GRK5: variants seen among roughly 807,000 people sequenced by gnomAD.
GRK5 encodes the protein g protein-coupled receptor kinase GRK5.
Under a neutral mutation model 78.4 loss-of-function variants are expected in GRK5, and 40 were observed. The ratio of observed to expected loss-of-function variants is 0.51; its 90% CI spans 0.40 to 0.66. The LOEUF (loss-of-function observed/expected upper bound fraction) is 0.66, where lower values mean the gene tolerates loss of function less well. GRK5 is among the 30% of genes least tolerant of loss of function. GRK5 has a pLI of 0.00. For missense variants in GRK5, 598 were observed against 759.9 expected, an observed-to-expected ratio of 0.79 and a Z score of 2.50; for synonymous variants, 289 against 296.8, an observed-to-expected ratio of 0.97 and a Z score of 0.27.
intron 2 of GRK5, among the ~76,000 whole-genome samples, chr10:119,339,215 A>G (rs143483077): frequency 1.5e-3 from 221 of 152,248 alleles, no homozygotes; most frequent in Non-Finnish European, 2.6e-3. Flanking sequence ...TGTCTATTTT[A>G]AGGCCCCTCA....
intron 2 of GRK5, among the ~76,000 whole-genome samples, chr10:119,338,102 T>G (rs530237560): frequency 4.2e-4 from 64 of 152,304 alleles, no homozygotes; most frequent in African/African-American, 1.5e-3. Flanking sequence ...CCATAACATA[T>G]TCACGTGCTC....
intron 1 of GRK5, among the ~76,000 whole-genome samples, chr10:119,255,114 T>C (rs1278675455): frequency 6.7e-6 from 1 of 149,144 alleles, no homozygotes; most frequent in Admixed American, 6.7e-5. Context: ...GGTAAGGTCG[T>C]CAGGTGGGAG....
intron 2 of GRK5, among the ~76,000 whole-genome samples, chr10:119,361,664 G>T (rs1851365146): frequency 1.3e-5 from 2 of 152,240 alleles, no homozygotes; most frequent in South Asian, 4.2e-4. Flanking sequence ...GCGCAGAGGG[G>T]GTTCAGAATT....
Position 119,396,778 on chromosome 10 carries a change from G to A in GRK5, c.339+6G>A. On this transcript the variant is annotated splice_donor_region_variant and intron_variant, in intron 4 of 15. Transcript: ENST00000392870. ...CCAAGTACCTCACCCCAAAGGTAAG[G>A]AGTCTTCCAAACCCCACAGCAGGTG... 6.2e-7 allele frequency: 1 copy of A among 1,611,172 alleles called. No individual in the cohort carries two copies. The highest frequency in any genetic ancestry group is 8.5e-7 in the Non-Finnish European group (1 of 1,177,316).
chr10:119,292,826 C>T (rs1850008076), intron 1 of GRK5, among the ~76,000 whole-genome samples: 1 of 151,140 alleles, frequency 6.6e-6, no homozygotes, highest in Admixed American at 6.6e-5. Flanking sequence ...AGAAAAAGTC[C>T]ATACATATTC....
At chr10:119,330,376 GGAGGGAGAGA>G (rs1231233953) in intron 2 of GRK5, 1 of 136,000 alleles carries the variant, frequency 7.4e-6, no homozygotes, top group African/African-American at 2.9e-5. Context: ...GGGGAGGGAG[GGAGGGAGAGA>G]GAGAGAGAGA....
At chr10:119,448,462 G>A (rs983888492) in intron 13 of GRK5, among the ~76,000 whole-genome samples, 2 of 152,254 alleles carry the variant, frequency 1.3e-5, no homozygotes, top group African/African-American at 4.8e-5. Flanking sequence ...GGGCCAGGGA[G>A]CCCACATTGG....
chr10:119,315,592 C>A (rs1198354266), intron 1 of GRK5, among the ~76,000 whole-genome samples: 1 of 152,232 alleles, frequency 6.6e-6, no homozygotes, highest in East Asian at 1.9e-4. Flanking sequence ...ACAGCCTCCC[C>A]ACGGTGATAT....
intron 1 of GRK5, among the ~76,000 whole-genome samples, chr10:119,220,976 A>G (rs1423875313): frequency 6.6e-6 from 1 of 152,142 alleles, no homozygotes; most frequent in African/African-American, 2.4e-5. Flanking sequence ...CAACATGGCA[A>G]AACCCTGTCT....
chr10:119,236,210 C>T (rs979488486), intron 1 of GRK5, among the ~76,000 whole-genome samples: 2 of 152,106 alleles, frequency 1.3e-5, no homozygotes, highest in Non-Finnish European at 2.9e-5. Context: ...CTGACCTACA[C>T]ACTATTTTTT....
At chr10:119,230,651 C>T (rs1241251751) in intron 1 of GRK5, among the ~76,000 whole-genome samples, 1 of 151,788 alleles carries the variant, frequency 6.6e-6, no homozygotes, top group African/African-American at 2.4e-5. Context: ...GGGACACAGC[C>T]AAACCGTATC....
chr10:119,334,695 C>T (rs1850843949), intron 2 of GRK5: 1 of 152,030 alleles, frequency 6.6e-6, no homozygotes, highest in Admixed American at 6.5e-5. Flanking sequence ...TTTATTCTTT[C>T]ATTAAAAAAA....
intron 2 of GRK5, among the ~76,000 whole-genome samples, chr10:119,352,867 G>A (rs60162822): frequency 0.057 from 8,726 of 152,250 alleles, 589 homozygotes; most frequent in African/African-American, 0.17. Flanking sequence ...GTATGGTGGT[G>A]ACCAGGCCCA....
chr10:119,394,300 GTC>G (rs1564916964), intron 3 of GRK5, among the ~76,000 whole-genome samples: 176 of 9,398 alleles, frequency 0.019, 15 homozygotes, highest in Middle Eastern at 0.045. Flanking sequence ...GTATCTGTGT[GTC>G]TGTGTGGGCA....
At chr10:119,437,316 C>T (rs1343051179) in intron 9 of GRK5, among the ~76,000 whole-genome samples, 1 of 152,074 alleles carries the variant, frequency 6.6e-6, no homozygotes, top group Non-Finnish European at 1.5e-5. Flanking sequence ...TGGTCTTCAC[C>T]CCCTCTCCCC....
intron 1 of GRK5, among the ~76,000 whole-genome samples, chr10:119,231,167 G>C (rs763812813): frequency 5.3e-5 from 8 of 152,084 alleles, no homozygotes; most frequent in Non-Finnish European, 1.0e-4. Flanking sequence ...TTTGCAAACT[G>C]TTCACCTGAC....
chr10:119,254,295 A>T (rs12357403), intron 1 of GRK5, among the ~76,000 whole-genome samples: 19,454 of 152,240 alleles, frequency 0.13, 1,359 homozygotes, highest in Middle Eastern at 0.17. Flanking sequence ...GCTAGAACTC[A>T]AATCCTGTCT....
At chr10:119,426,500 C>T (rs1231936065) in intron 6 of GRK5, among the ~76,000 whole-genome samples, 1 of 152,228 alleles carries the variant, frequency 6.6e-6, no homozygotes, top group Non-Finnish European at 1.5e-5. Context: ...CGACTCTACA[C>T]CTCAGTGTCC....
chr10:119,314,586 G>T (rs1332516201), intron 1 of GRK5, among the ~76,000 whole-genome samples: 1 of 152,170 alleles, frequency 6.6e-6, no homozygotes, highest in East Asian at 1.9e-4. Flanking sequence ...GGACCATGGC[G>T]CCTAAAAGCT....
Sources: allele counts gnomAD v4.1 joint callset (sites outside exome capture counted in the v4.1 genomes callset), GRCh38; gene constraint gnomAD v4.1.1; transcripts MANE v1.5; gene names NCBI Gene and HGNC (gene_info 2026-07-23, HGNC 2026-07-21).